USP24: variants seen among roughly 807,000 people sequenced by gnomAD.
USP24 encodes ubiquitin specific peptidase 24.
A neutral mutation model predicts 361.6 loss-of-function variants in USP24; 97 were observed. That is an observed-to-expected ratio of 0.27 (90% confidence interval 0.23 to 0.32). The LOEUF (loss-of-function observed/expected upper bound fraction) is 0.32, where lower values mean the gene tolerates loss of function less well. USP24 is among the 10% of genes least tolerant of loss of function. USP24 has a pLI of 1.00. For missense variants in USP24, 2,353 were observed against 3,165.6 expected, an observed-to-expected ratio of 0.74 and a Z score of 6.16; for synonymous variants, 1,098 against 1,124.6, an observed-to-expected ratio of 0.98 and a Z score of 0.47.
chr1:55,087,393 T>A (rs942904877), intron 55 of USP24, among the ~76,000 whole-genome samples: 1 of 152,042 alleles, frequency 6.6e-6, no homozygotes, highest in Non-Finnish European at 1.5e-5. Context: ...TGGAGATATT[T>A]AAAAGCAAGT....
At chr1:55,093,785 G>A in intron 52 of USP24, 152 bp downstream of exon 52, 1 of 1,064,568 alleles carries the variant, frequency 9.4e-7, no homozygotes, top group East Asian at 2.6e-5. Flanking sequence ...GGCCCCCTCT[G>A]TGTCGTGGCA....
At chr1:55,167,263 G>T (rs1021651944) in intron 5 of USP24, among the ~76,000 whole-genome samples, 1 of 152,174 alleles carries the variant, frequency 6.6e-6, no homozygotes, top group Non-Finnish European at 1.5e-5. Context: ...TGGTGGTCAT[G>T]AAAGACTTCT....
intron 53 of USP24, 133 bp downstream of exon 53, chr1:55,092,688 T>C (rs1256847044): frequency 1.1e-5 from 7 of 648,506 alleles, no homozygotes; most frequent in Non-Finnish European, 1.6e-5. Flanking sequence ...ACGGGCTACA[T>C]TCACGGGAAA....
At chr1:55,069,966 C>T (rs1392652082) in intron 67 of USP24, among the ~76,000 whole-genome samples, 5 of 149,350 alleles carry the variant, frequency 3.3e-5, no homozygotes, top group African/African-American at 1.2e-4. Context: ...AGGATTCTGG[C>T]TTTTCTCCTC....
At chr1:55,074,941 T>G (rs1644995600) in intron 63 of USP24, among the ~76,000 whole-genome samples, 1 of 152,158 alleles carries the variant, frequency 6.6e-6, no homozygotes, top group Non-Finnish European at 1.5e-5. Context: ...TATTCTTAAC[T>G]AAACTTTTTC....
chr1:55,093,956 A>G lies in USP24; in HGVS notation c.6335T>C (p.Met2112Thr). 6.2e-7 allele frequency: 1 copy of G among 1,613,668 alleles called. No individual in the cohort carries two copies. The highest frequency in any genetic ancestry group is 8.5e-7 in the Non-Finnish European group (1 of 1,179,848). ...GEKKGLFVEKMPARIYQMVRD... is the reference protein window; with the variant it reads ...GEKKGLFVEKTPARIYQMVRD... The stretch of plus-strand genomic sequence containing the variant: ...TCTTACCTGGTATATTCGAGCAGGC[A>G]TTTTCTCCACAAACAGTCCTTTCTT... The change falls in exon 52 of 68, where the codon ATG becomes ACG. Residue 2112 changes from methionine (M) to threonine (T), a missense_variant. By Grantham distance (81) the Met-to-Thr change is moderately conservative. This residue lies in a region of USP24 where 598 missense variants were observed against 761.9 expected (regional missense o/e 0.78). Coordinates refer to ENST00000294383, the MANE Select transcript of USP24 (RefSeq NM_015306.3).
intron 30 of USP24, among the ~76,000 whole-genome samples, chr1:55,133,680 C>T (rs1227970659): frequency 6.7e-6 from 1 of 148,494 alleles, no homozygotes; most frequent in African/African-American, 2.5e-5. Context: ...CTTTGTTGCC[C>T]AGGCCAGAGT....
chr1:55,176,645 G>C (rs537844986), intron 2 of USP24, among the ~76,000 whole-genome samples: 3 of 152,226 alleles, frequency 2.0e-5, no homozygotes, highest in South Asian at 4.1e-4. Flanking sequence ...ATATACCTTT[G>C]ATGAAGGAAA....
chr1:55,144,742 C>T (rs749376783), intron 20 of USP24, among the ~76,000 whole-genome samples: 1 of 152,122 alleles, frequency 6.6e-6, no homozygotes, highest in Non-Finnish European at 1.5e-5. Context: ...TGAGACCAGC[C>T]TGGCCAACAT....
At chr1:55,192,753 A>G (rs1441220925) in intron 1 of USP24, among the ~76,000 whole-genome samples, 38 of 152,228 alleles carry the variant, frequency 2.5e-4, no homozygotes, top group Admixed American at 2.5e-3. Flanking sequence ...TTCCTAAAAT[A>G]TTGCTTCCTG....
intron 55 of USP24, among the ~76,000 whole-genome samples, chr1:55,087,305 A>C (rs1645273434): frequency 6.6e-6 from 1 of 152,230 alleles, no homozygotes; most frequent in Non-Finnish European, 1.5e-5. Context: ...AAGAATGTAG[A>C]AGTAATTCAC....
At chr1:55,180,133 G>A (rs1200684455) in intron 1 of USP24, among the ~76,000 whole-genome samples, 2 of 152,154 alleles carry the variant, frequency 1.3e-5, no homozygotes, top group Admixed American at 6.5e-5. Flanking sequence ...AAAGGCCACA[G>A]CAGTATTTCT....
intron 50 of USP24, among the ~76,000 whole-genome samples, chr1:55,096,120 T>C (rs1645490375): frequency 6.6e-6 from 1 of 152,238 alleles, no homozygotes; most frequent in Non-Finnish European, 1.5e-5. Flanking sequence ...ATGTCTTCTC[T>C]AATTAGTCAC....
At position 55,101,110 on chromosome 1, in the gene USP24, TTAATAATTCC is replaced by T. The variant is rs1273269284; in HGVS notation, c.5146-156_5146-147del. 4.9e-6 allele frequency: 5 copies of T among 1,011,282 alleles called. No individual in the cohort carries two copies. In the African/African-American group the frequency reaches 5.0e-5, roughly 10 times the overall value. 62.6% of individuals were successfully genotyped at this position (1,011,282 alleles called of 1,614,324 possible). A position where few individuals can be genotyped will look rare whatever the true frequency, so the allele number is the denominator to read the frequency against. On this transcript the variant is annotated intron_variant, in intron 43 of 67. Coordinates refer to ENST00000294383, the MANE Select transcript of USP24 (RefSeq NM_015306.3). ...GCTATAATGCTGCAGATATTTAACTTTAATAATTCCTAGCTGGTGTAATTATGAAAAAATC... is the reference window on the plus strand; with the variant it reads ...GCTATAATGCTGCAGATATTTAACTTTAGCTGGTGTAATTATGAAAAAATC...
intron 53 of USP24, 88 bp from the exon 54 acceptor site, chr1:55,092,214 CAATAT>C (rs1166963325): frequency 2.4e-6 from 2 of 822,930 alleles, no homozygotes; most frequent in Non-Finnish European, 3.9e-6. Flanking sequence ...GATACACACA[CAATAT>C]ATGAATATGA....
chr1:55,146,739 A>G (rs1196129338), intron 19 of USP24, among the ~76,000 whole-genome samples, 190 bp downstream of exon 19: 1 of 152,194 alleles, frequency 6.6e-6, no homozygotes, highest in Non-Finnish European at 1.5e-5. Context: ...CAAAATTACC[A>G]AAGAACTCAT....
At chr1:55,195,641 C>CTA (rs1337867129) in intron 1 of USP24, among the ~76,000 whole-genome samples, 1 of 152,144 alleles carries the variant, frequency 6.6e-6, no homozygotes, top group Non-Finnish European at 1.5e-5. Flanking sequence ...TTGCGACATA[C>CTA]TATAACATGA....
chr1:55,170,741 T>C (rs1396142202), intron 5 of USP24, among the ~76,000 whole-genome samples: 1 of 152,216 alleles, frequency 6.6e-6, no homozygotes, highest in Non-Finnish European at 1.5e-5. Flanking sequence ...TTCCCCTGGA[T>C]TCTATGTACA....
In USP24 at chr1:55,144,182, A is replaced by G. The variant is rs747077656; in HGVS notation, c.2384T>C (p.Phe795Ser). The G allele has an allele frequency of 3.1e-6, 5 of 1,605,868 alleles. No homozygotes were observed. The highest frequency in any genetic ancestry group is 4.3e-6 in the Non-Finnish European group (5 of 1,176,108). Reference sequence around the variant, plus strand: ...ATCACAAAGATTCACATTTTCAAAAAAAGTTTTAAATAAGTTAAAACCTGT... The same window carrying G: ...ATCACAAAGATTCACATTTTCAAAAGAAGTTTTAAATAAGTTAAAACCTGT... Reference protein sequence around the residue: ...TMNGFNLFKTFFENVNLCDHR... With the variant: ...TMNGFNLFKTSFENVNLCDHR... Residue 795 changes from phenylalanine to serine, a missense_variant, in exon 21 of 68, where the codon TTT (phenylalanine) becomes TCT (serine). By Grantham distance (155) the Phe-to-Ser change is radical. Around this residue, in one of 8 missense-constraint regions of USP24, gnomAD observed 949 missense variants for 1,280.5 expected, o/e 0.74. Transcript: ENST00000294383.
Sources: allele counts gnomAD v4.1 joint callset (sites outside exome capture counted in the v4.1 genomes callset), GRCh38; gene constraint gnomAD v4.1.1; regional missense constraint gnomAD v4.1.1; transcripts MANE v1.5; gene names NCBI Gene and HGNC (gene_info 2026-07-23, HGNC 2026-07-21).